The following RPH3A variants were observed in gnomAD, a reference collection of about 807,000 sequenced individuals.
RPH3A encodes the protein rabphilin 3A.
Under a neutral mutation model 102.2 loss-of-function variants are expected in RPH3A, and 48 were observed. That is an observed-to-expected ratio of 0.47 (90% CI 0.37 to 0.60). RPH3A has a LOEUF of 0.60. Among genes scored for constraint, RPH3A ranks in the 20% least tolerant of loss-of-function variants. The pLI is 0.00. For missense variants in RPH3A, 781 were observed against 910.1 expected (o/e 0.86, Z 1.83); for synonymous variants, 310 against 324.3 (o/e 0.96, Z 0.47).
rs116784782 is a variant in RPH3A at position 112,701,464 on chromosome 12, G to A, written c.-139-90679G>A. Among the ~76,000 whole-genome samples the A allele has an allele frequency of 1.9e-3, 297 of 152,334 alleles. 3 individuals are homozygous for A. The highest frequency in any genetic ancestry group is 7.0e-3 in the African/African-American group (290 of 41,584). ...AGTGAGCAGAATCAGGGCTAAGGTAGCTATGAGAAGGTGGGTGGTAGTTTC... is the reference window on the plus strand; with the variant it reads ...AGTGAGCAGAATCAGGGCTAAGGTAACTATGAGAAGGTGGGTGGTAGTTTC... On this transcript the variant is annotated intron_variant, in intron 1 of 21. Coordinates refer to the RPH3A transcript ENST00000543106.
At chr12:112,664,790 C>T (rs1055945936) in intron 1 of RPH3A, among the ~76,000 whole-genome samples, 3 of 152,096 alleles carry the variant, frequency 2.0e-5, no homozygotes, top group Non-Finnish European at 4.4e-5. Context: ...ATGGACAGCA[C>T]CACGACCCCG....
chr12:112,646,775 T>C (rs1220012102), intron 1 of RPH3A, among the ~76,000 whole-genome samples: 3 of 152,228 alleles, frequency 2.0e-5, no homozygotes, highest in Non-Finnish European at 2.9e-5. Context: ...AGATGACACT[T>C]GAGGGGCCTG....
At chr12:112,628,589 A>C (rs2039782431) in intron 1 of RPH3A, among the ~76,000 whole-genome samples, 3 of 143,188 alleles carry the variant, frequency 2.1e-5, no homozygotes, top group Non-Finnish European at 4.6e-5. Flanking sequence ...AAAAAAAAAA[A>C]AAAAAAAAAA....
chr12:112,858,320 A>T (rs1279926059), intron 5 of RPH3A, among the ~76,000 whole-genome samples: 2 of 151,210 alleles, frequency 1.3e-5, no homozygotes, highest in South Asian at 4.2e-4. Flanking sequence ...AGAAAAAAAA[A>T]GGCGGGCGGG....
At chr12:112,590,082 C>CA (rs766520725) in intron 1 of RPH3A, among the ~76,000 whole-genome samples, 18,438 of 114,646 alleles carry the variant, frequency 0.16, 2,522 homozygotes, top group African/African-American at 0.39. Flanking sequence ...GACTCCATCT[C>CA]AAAAAAAAAA....
chr12:112,760,606 T>A (rs1052001418), intron 1 of RPH3A, among the ~76,000 whole-genome samples: 4 of 152,208 alleles, frequency 2.6e-5, no homozygotes, highest in African/African-American at 9.6e-5. Context: ...CTGCTTTGGT[T>A]CAGGCAAGGC....
At chr12:112,774,259 T>C (rs750962716) in intron 1 of RPH3A, among the ~76,000 whole-genome samples, 3 of 152,148 alleles carry the variant, frequency 2.0e-5, no homozygotes, top group African/African-American at 4.8e-5. Context: ...ATTTTACAAA[T>C]AAAAGCAAAG....
Position 112,583,303 on chromosome 12 carries a change from TG to T in RPH3A, c.-140+7985del, listed in dbSNP as rs561039766. Among the ~76,000 whole-genome samples, 8 of 152,322 alleles carry T rather than the reference TG, an allele frequency of 5.3e-5. No homozygotes were observed. In the South Asian group the frequency reaches 1.7e-3, roughly 32 times the overall value. On this transcript the variant is annotated intron_variant, in intron 1 of 21. Coordinates refer to the RPH3A transcript ENST00000543106. ...CATTCCATCCTTACAACAGCCCCTCTGAAGTCACTATTTTCAACATTTTGCA... is the reference window on the plus strand; with the variant it reads ...CATTCCATCCTTACAACAGCCCCTCTAAGTCACTATTTTCAACATTTTGCA...
At chr12:112,713,832 T>C (rs1442940230) in intron 1 of RPH3A, among the ~76,000 whole-genome samples, 1 of 152,206 alleles carries the variant, frequency 6.6e-6, no homozygotes, top group Non-Finnish European at 1.5e-5. Context: ...AATTAGTTAT[T>C]GTTACAGGAG....
chr12:112,869,270 A>T (rs1046790270), intron 8 of RPH3A: 2 of 155,992 alleles, frequency 1.3e-5, no homozygotes, highest in African/African-American at 4.8e-5. Flanking sequence ...ACAATTCCAG[A>T]TTGAGTGCAG....
intron 1 of RPH3A, among the ~76,000 whole-genome samples, chr12:112,617,504 C>T (rs1448190897): frequency 6.6e-6 from 1 of 152,186 alleles, no homozygotes; most frequent in East Asian, 1.9e-4. Flanking sequence ...CAGATACTTA[C>T]AAAGTACCTT....
intron 1 of RPH3A, among the ~76,000 whole-genome samples, chr12:112,725,250 GAAAAAAAAAAAAAA>G (rs35952537): frequency 9.5e-5 from 6 of 63,066 alleles, no homozygotes; most frequent in South Asian, 6.2e-4. Flanking sequence ...CTTTGTCTCA[GAAAAAAAAAAAAAA>G]AAAAAAAAAA....
At chr12:112,627,236 A>G (rs2039773455) in intron 1 of RPH3A, among the ~76,000 whole-genome samples, 1 of 151,636 alleles carries the variant, frequency 6.6e-6, no homozygotes, top group African/African-American at 2.4e-5. Flanking sequence ...AAATATTTGT[A>G]TTATGCACTA....
intron 1 of RPH3A, among the ~76,000 whole-genome samples, chr12:112,666,904 C>T (rs1011584449): frequency 6.6e-6 from 1 of 152,186 alleles, no homozygotes; most frequent in Non-Finnish European, 1.5e-5. Context: ...AAGGACTTAG[C>T]TTTAATTCAT....
intron 1 of RPH3A, among the ~76,000 whole-genome samples, chr12:112,693,583 G>A (rs547037904): frequency 5.9e-5 from 9 of 152,168 alleles, no homozygotes; most frequent in South Asian, 2.1e-4. Flanking sequence ...CTCCTGCCAC[G>A]TGGCCCATCT....
chr12:112,667,762 C>T (rs900814323), intron 1 of RPH3A, among the ~76,000 whole-genome samples: 2 of 150,344 alleles, frequency 1.3e-5, no homozygotes, highest in African/African-American at 4.9e-5. Flanking sequence ...TTAGAGCAGG[C>T]CACCTTGGAG....
intron 1 of RPH3A, among the ~76,000 whole-genome samples, chr12:112,695,785 A>G (rs578050413): frequency 6.6e-6 from 1 of 152,354 alleles, no homozygotes; most frequent in Admixed American, 6.5e-5. Flanking sequence ...CTCACGTGTT[A>G]CATCTCTATC....
intron 6 of RPH3A, among the ~76,000 whole-genome samples, chr12:112,866,213 T>A (rs2042609296): frequency 6.6e-6 from 1 of 152,200 alleles, no homozygotes; most frequent in African/African-American, 2.4e-5. Flanking sequence ...TTGCGAAAAG[T>A]TTATTCTGAA....
chr12:112,683,863 G>C (rs1421155307), intron 1 of RPH3A, among the ~76,000 whole-genome samples: 1 of 152,184 alleles, frequency 6.6e-6, no homozygotes, highest in Non-Finnish European at 1.5e-5. Flanking sequence ...GCCTAGGAGA[G>C]AGGGGCAGGA....
Sources: gnomAD v4.1 joint callset for allele counts (sites outside exome capture counted in the v4.1 genomes callset) on GRCh38, gnomAD v4.1.1 for gene constraint, MANE v1.5 for transcripts, NCBI Gene and HGNC (gene_info 2026-07-23, HGNC 2026-07-21) for gene names.